Variants in EYS observed in about 807,000 individuals in gnomAD.
The protein encoded by EYS is protein eyes shut homolog.
A neutral mutation model predicts 282.1 loss-of-function variants in EYS; 250 were observed. The ratio of observed to expected loss-of-function variants is 0.89; its 90% CI spans 0.80 to 0.98. EYS has a LOEUF of 0.98. Among genes scored for constraint, EYS ranks in the 50% least tolerant of loss-of-function variants. The pLI, the probability that EYS is intolerant of heterozygous loss-of-function variation, is 0.00. For missense variants in EYS, 4,016 were observed against 3,709.0 expected, an observed-to-expected ratio of 1.08 and a Z score of -2.15; for synonymous variants, 1,355 against 1,282.9, an observed-to-expected ratio of 1.06 and a Z score of -1.20.
chr6:64,140,065 C>T (rs1774291959), intron 31 of EYS, among the ~76,000 whole-genome samples: 1 of 151,974 alleles, frequency 6.6e-6, no homozygotes, highest in African/African-American at 2.4e-5. Context: ...GCATTAGAAA[C>T]ACTGAGTGTA....
At chr6:64,137,220 G>T (rs1774191085) in intron 31 of EYS, among the ~76,000 whole-genome samples, 1 of 152,058 alleles carries the variant, frequency 6.6e-6, no homozygotes, top group African/African-American at 2.4e-5. Flanking sequence ...GAGTTGAAGA[G>T]AGTTAGGCGT....
chr6:65,175,910 G>C (rs1765212158), intron 12 of EYS, among the ~76,000 whole-genome samples: 1 of 151,438 alleles, frequency 6.6e-6, no homozygotes, highest in Non-Finnish European at 1.5e-5. Context: ...ATGCCAATGA[G>C]ATGTTTATTT....
At chr6:64,185,269 T>C (rs992787535) in intron 31 of EYS, among the ~76,000 whole-genome samples, 6 of 152,196 alleles carry the variant, frequency 3.9e-5, no homozygotes, top group Admixed American at 2.0e-4. Flanking sequence ...CATTTTTTAA[T>C]GTTCTGAAAG....
chr6:65,483,166 G>A (rs920305027), intron 5 of EYS, among the ~76,000 whole-genome samples: 10 of 151,870 alleles, frequency 6.6e-5, no homozygotes, highest in African/African-American at 2.4e-4. Flanking sequence ...CTTTTATAAT[G>A]TTTGAAATTG....
At chr6:64,523,560 T>A (rs3857530) in intron 26 of EYS, among the ~76,000 whole-genome samples, 1 of 151,680 alleles carries the variant, frequency 6.6e-6, no homozygotes, top group African/African-American at 2.4e-5. Context: ...ACAACACCCA[T>A]GTGGTAAAAG....
intron 13 of EYS, among the ~76,000 whole-genome samples, chr6:65,044,976 G>C (rs1217309642): frequency 6.6e-6 from 1 of 151,734 alleles, no homozygotes; most frequent in Non-Finnish European, 1.5e-5. Flanking sequence ...CAGGTGAAAA[G>C]CAATAGAAAT....
At chr6:63,864,093 C>T in intron 36 of EYS, 93 bp downstream of exon 36, 1 of 1,132,092 alleles carries the variant, frequency 8.8e-7, no homozygotes, top group Non-Finnish European at 1.2e-6. Flanking sequence ...TGTATTTGAT[C>T]AGTCAAGTGC....
intron 26 of EYS, among the ~76,000 whole-genome samples, chr6:64,485,947 T>C (rs1196843788): frequency 6.6e-6 from 1 of 151,388 alleles, no homozygotes; most frequent in Non-Finnish European, 1.5e-5. Context: ...TTAAAGATAA[T>C]AGCAGACTCA....
chr6:65,676,622 C>G (rs1768610022), intron 1 of EYS, among the ~76,000 whole-genome samples: 1 of 151,668 alleles, frequency 6.6e-6, no homozygotes, highest in African/African-American at 2.4e-5. Context: ...GTGAATTCTA[C>G]CAAATATGTA....
At chr6:64,468,547 T>C (rs1432743821) in intron 26 of EYS, among the ~76,000 whole-genome samples, 2 of 152,204 alleles carry the variant, frequency 1.3e-5, no homozygotes, top group African/African-American at 2.4e-5. Context: ...TGCAAGTTTG[T>C]TGCAAAGGTA....
At chr6:64,136,976 T>A (rs760929936) in intron 31 of EYS, among the ~76,000 whole-genome samples, 3 of 152,208 alleles carry the variant, frequency 2.0e-5, no homozygotes, top group Non-Finnish European at 4.4e-5. Flanking sequence ...CTAGATGGCA[T>A]CTTCTAGTAG....
Position 64,439,356 on chromosome 6 carries a change from T to C in EYS, c.5645-4A>G. 1.3e-6 allele frequency: 2 copies of C among 1,483,340 alleles called. No individual in the cohort carries two copies. The highest frequency in any genetic ancestry group is 1.8e-6 in the Non-Finnish European group (2 of 1,121,130). 91.9% of individuals were successfully genotyped at this position (1,483,340 alleles called of 1,614,324 possible). A position where few individuals can be genotyped will look rare whatever the true frequency, so the allele number is the denominator to read the frequency against. On this transcript the variant is annotated splice_region_variant and splice_polypyrimidine_tract_variant and intron_variant, in intron 26 of 42. Coordinates refer to ENST00000503581, the MANE Select transcript of EYS (RefSeq NM_001142800.2). ...TAATAACGAACACAACTGAAATCTG[T>C]GGAGTCAGAAAGAAAATACAATTTA...
At chr6:64,759,990 TA>T (rs1325001324) in intron 22 of EYS, among the ~76,000 whole-genome samples, 3 of 152,234 alleles carry the variant, frequency 2.0e-5, no homozygotes, top group African/African-American at 7.2e-5. Context: ...AAATGCACTA[TA>T]CATTTTGTGG....
chr6:64,883,421 ATATT>A (rs1168513361), intron 19 of EYS, among the ~76,000 whole-genome samples: 10 of 151,504 alleles, frequency 6.6e-5, no homozygotes, highest in East Asian at 5.8e-4. Flanking sequence ...CATTTTAAAA[ATATT>A]TATACTTTTC....
intron 19 of EYS, among the ~76,000 whole-genome samples, chr6:64,861,051 C>A (rs1335478784): frequency 2.0e-5 from 3 of 152,192 alleles, no homozygotes; most frequent in East Asian, 1.9e-4. Context: ...AGGCTTCAGG[C>A]CTTCCTGGCT....
intron 31 of EYS, among the ~76,000 whole-genome samples, chr6:64,087,284 A>T (rs949073715): frequency 3.9e-5 from 6 of 152,162 alleles, no homozygotes; most frequent in African/African-American, 7.2e-5. Context: ...AATACTCATC[A>T]GGGAATACAG....
intron 29 of EYS, among the ~76,000 whole-genome samples, chr6:64,353,935 A>G (rs1202948578): frequency 2.0e-5 from 3 of 151,548 alleles, no homozygotes; most frequent in South Asian, 4.1e-4. Context: ...TATTAGAAGT[A>G]AATTTGTAAA....
intron 22 of EYS, among the ~76,000 whole-genome samples, chr6:64,761,648 G>A (rs1314052808): frequency 2.0e-5 from 3 of 152,036 alleles, no homozygotes; most frequent in African/African-American, 7.2e-5. Context: ...GTAGAGATGG[G>A]GTTTCACCAT....
intron 35 of EYS, among the ~76,000 whole-genome samples, chr6:63,979,427 A>C (rs1041157680): frequency 6.6e-6 from 1 of 151,918 alleles, no homozygotes; most frequent in African/African-American, 2.4e-5. Context: ...TGTGAAAATT[A>C]TTGACTTTCA....
Sources: gnomAD v4.1 joint callset for allele counts (sites outside exome capture counted in the v4.1 genomes callset) on GRCh38, gnomAD v4.1.1 for gene constraint, MANE v1.5 for transcripts, NCBI Gene and HGNC (gene_info 2026-07-23, HGNC 2026-07-21) for gene names.